HUNK: variants seen among roughly 807,000 people sequenced by gnomAD.
HUNK encodes the protein hormonally up-regulated neu tumor-associated kinase.
In HUNK, 21 loss-of-function variants were observed where a neutral mutation model predicts 61.0. That is an observed-to-expected ratio of 0.34 (90% CI 0.24 to 0.50). The LOEUF (loss-of-function observed/expected upper bound fraction) is 0.50, where lower values mean the gene tolerates loss of function less well. Among genes scored for constraint, HUNK ranks in the 20% least tolerant of loss-of-function variants. The pLI is 0.98. For missense variants in HUNK, 772 were observed against 945.7 expected, an observed-to-expected ratio of 0.82 and a Z score of 2.41; for synonymous variants, 371 against 386.1, an observed-to-expected ratio of 0.96 and a Z score of 0.46.
intron 1 of HUNK, among the ~76,000 whole-genome samples, chr21:31,881,244 G>A (rs556444928): frequency 1.3e-4 from 20 of 152,324 alleles, no homozygotes; most frequent in Non-Finnish European, 2.2e-4. Flanking sequence ...CGTAGACAAC[G>A]TGGGCATCTT....
rs1406935746 is a variant in HUNK, at chr21:31,974,707, A to G, written c.1163A>G (p.Tyr388Cys). 1.9e-6 allele frequency: 3 copies of G among 1,613,200 alleles called. No individual in the cohort carries two copies. The highest frequency in any genetic ancestry group is 2.7e-5 in the African/African-American group (2 of 74,862). The change falls in exon 7 of 11, where the codon TAT (tyrosine) becomes TGT (cysteine). Residue 388 changes from tyrosine (Y) to cysteine (C), a missense_variant. Physicochemically the swap from Tyr to Cys is radical, Grantham distance 194. Coordinates refer to ENST00000270112, the MANE Select transcript of HUNK (RefSeq NM_014586.2). ...CTCTTAAACAAGAAACTGGAGCGCT[A>G]TTTGTCAGGGGTAAGTGCGACCCTA... ...YFLLNKKLER[Y>C]LSGKSDIQDS...
chr21:31,973,423 T>C (rs2053026329), intron 6 of HUNK, among the ~76,000 whole-genome samples: 1 of 152,174 alleles, frequency 6.6e-6, no homozygotes, highest in Non-Finnish European at 1.5e-5. Context: ...TTTCTGTCCT[T>C]GCGATAGTTT....
At chr21:31,963,061 A>G (rs1340394053) in intron 5 of HUNK, among the ~76,000 whole-genome samples, 1 of 152,022 alleles carries the variant, frequency 6.6e-6, no homozygotes, top group African/African-American at 2.4e-5. Context: ...CATTTTTTCA[A>G]TCCTTTGCAC....
In HUNK at chr21:31,948,487, G is replaced by A. The variant is rs895114524; in HGVS notation, c.746+2316G>A. 1.5e-4 allele frequency among the ~76,000 whole-genome samples: 23 copies of A among 152,244 alleles called. 1 individual carries two copies. Among genetic ancestry groups the A allele is most frequent in the African/African-American group, 4.3e-4 (18 of 41,540 alleles). On this transcript the variant is annotated intron_variant, in intron 4 of 10. Transcript: ENST00000270112. ...GCTATCTGTGTTCCTGGGCCTCACC[G>A]TGAGGTCTCAGTCCACCTGCTGGAA...
chr21:31,948,546 C>T (rs1353518176), intron 4 of HUNK, among the ~76,000 whole-genome samples: 1 of 152,054 alleles, frequency 6.6e-6, no homozygotes, highest in African/African-American at 2.4e-5. Context: ...GCAGGGACCA[C>T]TTGGCTCACT....
intron 1 of HUNK, among the ~76,000 whole-genome samples, chr21:31,908,209 GA>G (rs1258195900): frequency 1.5e-4 from 23 of 150,990 alleles, no homozygotes; most frequent in African/African-American, 4.8e-4. Flanking sequence ...TTTGTTCCAA[GA>G]AAAAAAAAGT....
chr21:31,903,862 A>G (rs2052486668), intron 1 of HUNK, among the ~76,000 whole-genome samples: 1 of 152,274 alleles, frequency 6.6e-6, no homozygotes, highest in Non-Finnish European at 1.5e-5. Flanking sequence ...CTCAGGTTGT[A>G]TCTAATGGGA....
chr21:31,959,884 C>T (rs187418910), intron 5 of HUNK, among the ~76,000 whole-genome samples: 223 of 152,330 alleles, frequency 1.5e-3, no homozygotes, highest in Non-Finnish European at 2.6e-3. Flanking sequence ...ATGCAATTAT[C>T]TAATTCAGCC....
At chr21:31,982,049 C>T (rs776483804) in intron 7 of HUNK, among the ~76,000 whole-genome samples, 13 of 152,156 alleles carry the variant, frequency 8.5e-5, no homozygotes, top group Non-Finnish European at 1.6e-4. Context: ...GCTATTCTTC[C>T]TGAGGGTGCC....
chr21:31,909,893 C>G (rs115430028), intron 1 of HUNK, among the ~76,000 whole-genome samples: 5 of 152,196 alleles, frequency 3.3e-5, no homozygotes, highest in Non-Finnish European at 5.9e-5. Context: ...CTGGGTCATG[C>G]TAATCACCAC....
rs751597883 is a variant in HUNK at position 31,946,080 on chromosome 21, C to T, written c.655C>T (p.Pro219Ser). ...NCAGILGYSD[P>S]FSTQCGSPAY... Reference sequence around the variant, plus strand: ...CGCAGGGATCCTGGGTTACTCGGATCCGTTCAGCACACAGTGTGGCAGCCC... The same window carrying T: ...CGCAGGGATCCTGGGTTACTCGGATTCGTTCAGCACACAGTGTGGCAGCCC... The change falls in exon 4 of 11, where the codon CCG (proline) becomes TCG (serine). Residue 219 changes from proline (P) to serine (S), a missense_variant. By Grantham distance (74) the Pro-to-Ser change is moderately conservative. Coordinates refer to ENST00000270112, the MANE Select transcript of HUNK (RefSeq NM_014586.2). The T allele has an allele frequency of 6.2e-7, 1 of 1,612,364 alleles. No individual in the cohort carries two copies. Among genetic ancestry groups the T allele is most frequent in the African/African-American group, 1.3e-5 (1 of 74,902 alleles).
intron 5 of HUNK, among the ~76,000 whole-genome samples, chr21:31,962,199 A>G (rs2052933861): frequency 6.6e-6 from 1 of 152,234 alleles, no homozygotes; most frequent in Admixed American, 6.5e-5. Flanking sequence ...ACTAAAGAGA[A>G]TGGGGCAGTG....
Position 31,908,047 on chromosome 21 carries a change from T to TA in HUNK, c.262-16414dup, listed in dbSNP as rs542463914. Among the ~76,000 whole-genome samples, 115 of 152,198 alleles carry TA rather than the reference T, an allele frequency of 7.6e-4. 3 individuals are homozygous for TA. The highest frequency in any genetic ancestry group is 2.7e-3 in the African/African-American group (111 of 41,530). On this transcript the variant is annotated intron_variant, in intron 1 of 10. Coordinates refer to ENST00000270112, the MANE Select transcript of HUNK (RefSeq NM_014586.2). ...TTTTATTTAGGTGTTTTTACCGCAA[T>TA]AAAAAAATTTTTTTTAAATGAACAA...
At chr21:31,928,854 G>A (rs1226389840) in intron 2 of HUNK, among the ~76,000 whole-genome samples, 1 of 152,204 alleles carries the variant, frequency 6.6e-6, no homozygotes, top group Admixed American at 6.5e-5. Context: ...TGCTGCAAAG[G>A]TGGAATGAAT....
Position 32,001,281 on chromosome 21 carries a change from A to G in HUNK, c.*2097A>G, listed in dbSNP as rs573401667. ...GCAAAGTGAGACCCTGTCTCCAAAA[A>G]AAGAAAATAGAGCTTTATAAGCAGA... is the stretch of plus-strand genomic sequence containing the variant. On this transcript the variant is annotated 3_prime_UTR_variant, in exon 11 of 11. Transcript: ENST00000270112. 6.6e-6 allele frequency: 1 copy of G among 152,348 alleles called. No individual in the cohort carries two copies. The highest frequency in any genetic ancestry group is 2.4e-5 in the African/African-American group (1 of 41,544). The allele number at this position is 152,348 out of a possible 1,614,324, so 9.4% of individuals were successfully genotyped here. A position where few individuals can be genotyped will look rare whatever the true frequency, so the allele number is the denominator to read the frequency against.
intron 5 of HUNK, among the ~76,000 whole-genome samples, chr21:31,963,166 T>C (rs61678059): frequency 3.9e-5 from 6 of 152,242 alleles, no homozygotes; most frequent in South Asian, 2.1e-4. Context: ...CTGCCACTTA[T>C]TGAATAATCC....
At chr21:31,980,112 C>T (rs1188618237) in intron 7 of HUNK, among the ~76,000 whole-genome samples, 4 of 152,054 alleles carry the variant, frequency 2.6e-5, no homozygotes, top group African/African-American at 9.7e-5. Flanking sequence ...CACTCTGTCA[C>T]CCAAGCTGGA....
At chr21:31,916,293 G>A (rs1302851326) in intron 1 of HUNK, among the ~76,000 whole-genome samples, 1 of 151,840 alleles carries the variant, frequency 6.6e-6, no homozygotes, top group East Asian at 1.9e-4. Context: ...CTCGTTATCC[G>A]CCCGCCTCGG....
chr21:31,910,841 C>T (rs1406826981), intron 1 of HUNK, among the ~76,000 whole-genome samples: 3 of 152,196 alleles, frequency 2.0e-5, no homozygotes, highest in African/African-American at 7.2e-5. Context: ...ATATCCTATA[C>T]ATATCCTCCT....
Sources: gnomAD v4.1 joint callset for allele counts (sites outside exome capture counted in the v4.1 genomes callset) on GRCh38, gnomAD v4.1.1 for gene constraint, MANE v1.5 for transcripts, NCBI Gene and HGNC (gene_info 2026-07-23, HGNC 2026-07-21) for gene names.